LIPI: variants seen among roughly 807,000 people sequenced by gnomAD.
LIPI encodes the protein lipase I.
In LIPI, 59 loss-of-function variants were observed where a neutral mutation model predicts 50.6. That is an observed-to-expected ratio of 1.16 (90% CI 0.94 to 1.45). The LOEUF is 1.45. LIPI is among the 40% of genes most tolerant of loss of function. The pLI is 0.00. For synonymous variants in LIPI, 203 were observed against 178.2 expected, an observed-to-expected ratio of 1.14 and a Z score of -1.11; for missense variants, 586 against 536.3, an observed-to-expected ratio of 1.09 and a Z score of -0.92.
chr21:14,194,786 A>T (rs907971467), intron 1 of LIPI, among the ~76,000 whole-genome samples: 1 of 152,324 alleles, frequency 6.6e-6, no homozygotes, highest in African/African-American at 2.4e-5. Context: ...ACTAACCTAT[A>T]AACTTAAAAA....
chr21:14,151,229 C>T (rs563898495), intron 8 of LIPI, among the ~76,000 whole-genome samples: 5 of 152,174 alleles, frequency 3.3e-5, no homozygotes, highest in Admixed American at 3.3e-4. Context: ...AATATCGTTT[C>T]AGATTTTACC....
chr21:14,190,568 T>C (rs2019636248), intron 1 of LIPI, among the ~76,000 whole-genome samples: 1 of 152,256 alleles, frequency 6.6e-6, no homozygotes, highest in South Asian at 2.1e-4. Flanking sequence ...TTACAATAAT[T>C]CTAGTTTTCA....
intron 4 of LIPI, among the ~76,000 whole-genome samples, chr21:14,170,410 A>G (rs1038167613): frequency 1.3e-5 from 2 of 152,180 alleles, no homozygotes; most frequent in Non-Finnish European, 2.9e-5. Flanking sequence ...AGACACAACA[A>G]AAAAAGAGAA....
chr21:14,166,166 C>T (rs947202255), intron 5 of LIPI, among the ~76,000 whole-genome samples, 196 bp downstream of exon 5: 1 of 152,068 alleles, frequency 6.6e-6, no homozygotes, highest in Non-Finnish European at 1.5e-5. Flanking sequence ...CATCCATGAC[C>T]TAATGGATGT....
chr21:14,110,237 G>GA (rs1203287164), intron 9 of LIPI, among the ~76,000 whole-genome samples: 4 of 151,552 alleles, frequency 2.6e-5, no homozygotes, highest in African/African-American at 4.8e-5. Flanking sequence ...TTCTTTACTT[G>GA]AAAAATCTCC....
At chr21:14,164,928 T>C (rs577315273) in intron 6 of LIPI, among the ~76,000 whole-genome samples, 5 of 152,286 alleles carry the variant, frequency 3.3e-5, no homozygotes, top group East Asian at 1.9e-4. Context: ...AGTTGGATGA[T>C]AGTTAGATAT....
At chr21:14,129,813 A>ATTTTT (rs751973561) in intron 9 of LIPI, among the ~76,000 whole-genome samples, 5 of 126,886 alleles carry the variant, frequency 3.9e-5, no homozygotes, top group African/African-American at 7.1e-5. Context: ...TTTTTTTAAA[A>ATTTTT]AAAAAAAAAG....
chr21:14,151,542 T>C (rs60457222), intron 8 of LIPI, among the ~76,000 whole-genome samples: 6,216 of 152,286 alleles, frequency 0.041, 146 homozygotes, highest in African/African-American at 0.065. Flanking sequence ...TACACTTTTA[T>C]ATTTCTTTTA....
chr21:14,144,885 G>T, intron 8 of LIPI, 86 bp from the exon 9 acceptor site: 1 of 881,198 alleles, frequency 1.1e-6, no homozygotes. Flanking sequence ...AATAAGGGAG[G>T]CCACAGAGAA....
At chr21:14,163,347 T>G (rs2018559825) in intron 7 of LIPI, 72 bp downstream of exon 7, 5 of 768,338 alleles carry the variant, frequency 6.5e-6, no homozygotes, top group African/African-American at 5.2e-5. Context: ...CAAAGAACAC[T>G]TTGAATCAAA....
At chr21:14,203,448 T>A (rs1208001025) in intron 1 of LIPI, among the ~76,000 whole-genome samples, 1 of 152,074 alleles carries the variant, frequency 6.6e-6, no homozygotes, top group Non-Finnish European at 1.5e-5. Context: ...TGTCCATCAA[T>A]GATAGACTGG....
intron 9 of LIPI, among the ~76,000 whole-genome samples, chr21:14,127,394 TAG>T (rs1006386640): frequency 2.2e-4 from 33 of 152,220 alleles, no homozygotes; most frequent in African/African-American, 8.0e-4. Context: ...GCAGGGAATG[TAG>T]AGAGTTTTGC....
intron 9 of LIPI, among the ~76,000 whole-genome samples, chr21:14,122,749 T>C (rs1285959568): frequency 6.6e-6 from 1 of 152,148 alleles, no homozygotes; most frequent in Non-Finnish European, 1.5e-5. Flanking sequence ...AATTTGACCA[T>C]ATTAAAGCCA....
At chr21:14,150,174 A>C (rs62209378) in intron 8 of LIPI, among the ~76,000 whole-genome samples, 48,763 of 152,038 alleles carry the variant, frequency 0.32, 8,086 homozygotes, top group Middle Eastern at 0.4. Context: ...TGTCTTCTGC[A>C]ACCTACAGAA....
In LIPI at chr21:14,184,227, C is replaced by CA. The variant is rs922285430; in HGVS notation, c.541+1733dup. ...CATTCTCAGCAAACTATCGCAAGGA[C>CA]AAAAAACCAAACACCGCATGTTCTC... On this transcript the variant is annotated intron_variant, in intron 3 of 9. Transcript: ENST00000681601. Among the ~76,000 whole-genome samples the CA allele has an allele frequency of 2.6e-4, 39 of 151,740 alleles. 1 individual carries two copies. The highest frequency in any genetic ancestry group is 1.5e-5 in the Non-Finnish European group (1 of 67,970).
chr21:14,130,787 G>A (rs1037411209), intron 9 of LIPI, among the ~76,000 whole-genome samples: 1 of 147,592 alleles, frequency 6.8e-6, no homozygotes, highest in Non-Finnish European at 1.5e-5. Context: ...TGGGACTGAG[G>A]TCTAGCCTGC....
intron 9 of LIPI, among the ~76,000 whole-genome samples, chr21:14,120,004 A>C (rs2155970): frequency 0.48 from 72,893 of 151,938 alleles, 17,735 homozygotes; most frequent in South Asian, 0.54. Context: ...ATGTGAGAAT[A>C]CATACATCAC....
intron 4 of LIPI, among the ~76,000 whole-genome samples, chr21:14,179,802 T>C (rs2019210473): frequency 6.6e-6 from 1 of 152,196 alleles, no homozygotes; most frequent in Non-Finnish European, 1.5e-5. Context: ...TACACATTGA[T>C]TGTAAAACAT....
chr21:14,153,351 G>C (rs548722804), intron 7 of LIPI, among the ~76,000 whole-genome samples: 202 of 152,242 alleles, frequency 1.3e-3, no homozygotes, highest in Middle Eastern at 0.01. Flanking sequence ...CCCCATTTCT[G>C]ACACAAGAGG....
Sources: allele counts gnomAD v4.1 joint callset (sites outside exome capture counted in the v4.1 genomes callset), GRCh38; gene constraint gnomAD v4.1.1; transcripts MANE v1.5; gene names NCBI Gene and HGNC (gene_info 2026-07-23, HGNC 2026-07-21).